GRIP1: variants seen among roughly 807,000 people sequenced by gnomAD.
The protein encoded by GRIP1 is glutamate receptor interacting protein 1.
In GRIP1, 45 loss-of-function variants were observed where a neutral mutation model predicts 129.9. The ratio of observed to expected loss-of-function variants is 0.35; its 90% CI spans 0.27 to 0.44. The LOEUF (loss-of-function observed/expected upper bound fraction) is 0.44, where lower values mean the gene tolerates loss of function less well. GRIP1 is among the 20% of genes least tolerant of loss of function. The pLI is 1.00. For synonymous variants in GRIP1, 530 were observed against 520.8 expected (o/e 1.02, Z -0.24); for missense variants, 1,196 against 1,396.8 (o/e 0.86, Z 2.29).
At chr12:66,925,372 G>A (rs2041279884) in intron 1 of GRIP1, among the ~76,000 whole-genome samples, 1 of 151,584 alleles carries the variant, frequency 6.6e-6, no homozygotes, top group Non-Finnish European at 1.5e-5. Context: ...GCTAAAAAAG[G>A]CAAAAGGGCA....
chr12:66,582,032 C>T (rs1207826163), intron 2 of GRIP1, among the ~76,000 whole-genome samples: 1 of 152,128 alleles, frequency 6.6e-6, no homozygotes, highest in Non-Finnish European at 1.5e-5. Flanking sequence ...CTGAATCCAG[C>T]AGCACATCAA....
At chr12:66,859,772 G>T (rs192628358) in intron 1 of GRIP1, among the ~76,000 whole-genome samples, 1 of 152,166 alleles carries the variant, frequency 6.6e-6, no homozygotes, top group African/African-American at 2.4e-5. Context: ...GTGCTGCAGG[G>T]CTGTGTTATT....
chr12:66,455,822 A>AAG lies in GRIP1; in HGVS notation c.1199-260_1199-259dup, dbSNP rs2058943613. On this transcript the variant is annotated intron_variant, in intron 10 of 24. Coordinates refer to ENST00000359742, the MANE Select transcript of GRIP1 (RefSeq NM_001366722.1). Reference sequence around the variant, plus strand: ...TGTGAGAATTGCTTTAAACAAACAAAAGAACAACTTTGTCCATGAACAACT... The same window carrying AAG: ...TGTGAGAATTGCTTTAAACAAACAAAAGAGAACAACTTTGTCCATGAACAACT... 2.0e-5 allele frequency among the ~76,000 whole-genome samples: 3 copies of AAG among 152,332 alleles called. No homozygotes were observed. The East Asian group carries it at 5.8e-4, about 29-fold the overall frequency.
intron 1 of GRIP1, among the ~76,000 whole-genome samples, chr12:66,818,181 T>C (rs1353719037): frequency 6.6e-6 from 1 of 152,188 alleles, no homozygotes; most frequent in East Asian, 1.9e-4. Flanking sequence ...AGTTGGAAAA[T>C]ATTGGTTCAC....
chr12:66,455,221 GCAGTCATTGC>G (rs2058921715), intron 11 of GRIP1, among the ~76,000 whole-genome samples, 178 bp downstream of exon 11: 1 of 152,200 alleles, frequency 6.6e-6, no homozygotes, highest in South Asian at 2.1e-4. Flanking sequence ...AAATTGGGGT[GCAGTCATTGC>G]CAAACAGATA....
chr12:66,848,150 A>G (rs1219326620), intron 1 of GRIP1, among the ~76,000 whole-genome samples: 1 of 152,120 alleles, frequency 6.6e-6, no homozygotes. Flanking sequence ...GAAATTTGTA[A>G]TAATCTTCAG....
chr12:66,375,357 G>A (rs568962684), intron 22 of GRIP1, among the ~76,000 whole-genome samples: 21 of 152,142 alleles, frequency 1.4e-4, no homozygotes, highest in African/African-American at 5.1e-4. Context: ...CATTTCAATT[G>A]TAATCATCTT....
chr12:66,504,498 T>C (rs1243537937), intron 7 of GRIP1, among the ~76,000 whole-genome samples: 1 of 152,182 alleles, frequency 6.6e-6, no homozygotes, highest in African/African-American at 2.4e-5. Flanking sequence ...ATAAGATGCA[T>C]TTGTAATCAT....
chr12:66,746,792 T>A (rs538610265), intron 1 of GRIP1, among the ~76,000 whole-genome samples: 1 of 152,222 alleles, frequency 6.6e-6, no homozygotes, highest in Non-Finnish European at 1.5e-5. Flanking sequence ...CCAGCAAGCA[T>A]TGACATTTTA....
At chr12:66,528,354 G>T (rs1027867330) in intron 5 of GRIP1, among the ~76,000 whole-genome samples, 3 of 152,102 alleles carry the variant, frequency 2.0e-5, no homozygotes, top group East Asian at 1.9e-4. Context: ...AGCCAGGATG[G>T]TCTCGATCTC....
chr12:67,064,025 G>A (rs980418634), intron 1 of GRIP1, among the ~76,000 whole-genome samples: 2 of 152,054 alleles, frequency 1.3e-5, no homozygotes, highest in Non-Finnish European at 2.9e-5. Context: ...TGAAAAAAAA[G>A]GAAAAATATG....
chr12:66,542,699 A>G (rs1183422614), intron 2 of GRIP1, among the ~76,000 whole-genome samples: 1 of 152,250 alleles, frequency 6.6e-6, no homozygotes, highest in Admixed American at 6.5e-5. Flanking sequence ...AACTGTAAGA[A>G]TATCCTTCCC....
At chr12:66,483,963 C>A (rs964382291) in intron 7 of GRIP1, among the ~76,000 whole-genome samples, 5 of 151,428 alleles carry the variant, frequency 3.3e-5, no homozygotes, top group Admixed American at 2.6e-4. Context: ...GGGTTCACGC[C>A]ATTCTCCTGC....
intron 5 of GRIP1, among the ~76,000 whole-genome samples, chr12:66,523,047 G>A (rs4913535): frequency 0.18 from 27,085 of 151,634 alleles, 2,633 homozygotes; most frequent in East Asian, 0.31. Context: ...CCAAATCTAC[G>A]TCTGACTGGT....
chr12:66,484,472 A>G (rs2059898854), intron 7 of GRIP1, among the ~76,000 whole-genome samples: 2 of 152,202 alleles, frequency 1.3e-5, no homozygotes, highest in Admixed American at 1.3e-4. Context: ...AAGAAAATGT[A>G]CACAATGGAA....
chr12:66,425,146 A>T (rs2057939125), intron 14 of GRIP1, among the ~76,000 whole-genome samples: 1 of 152,192 alleles, frequency 6.6e-6, no homozygotes, highest in Admixed American at 6.5e-5. Flanking sequence ...TACTTTGCTG[A>T]GTAAAGAATT....
chr12:66,790,559 T>C (rs531820432), intron 1 of GRIP1, among the ~76,000 whole-genome samples: 2 of 152,124 alleles, frequency 1.3e-5, no homozygotes, highest in South Asian at 4.2e-4. Context: ...AAAGATGAAG[T>C]ATAAAGTAGA....
At chr12:66,830,328 A>C (rs1445653260) in intron 1 of GRIP1, among the ~76,000 whole-genome samples, 1 of 152,148 alleles carries the variant, frequency 6.6e-6, no homozygotes, top group African/African-American at 2.4e-5. Context: ...GATTACCTAG[A>C]TGGGCCCAAG....
At chr12:66,560,183 G>T (rs1213555998) in intron 2 of GRIP1, among the ~76,000 whole-genome samples, 1 of 152,066 alleles carries the variant, frequency 6.6e-6, no homozygotes, top group Non-Finnish European at 1.5e-5. Context: ...GTGGATTAAA[G>T]AATTAAATCC....
Sources: gnomAD v4.1 joint callset for allele counts (sites outside exome capture counted in the v4.1 genomes callset) on GRCh38, gnomAD v4.1.1 for gene constraint, MANE v1.5 for transcripts, NCBI Gene and HGNC (gene_info 2026-07-23, HGNC 2026-07-21) for gene names.